Variants in RNF145 observed in about 807,000 individuals in gnomAD.
RNF145 encodes the protein ring finger protein 145.
A neutral mutation model predicts 57.3 loss-of-function variants in RNF145; 12 were observed. The observed-to-expected ratio is 0.21, with a 90% CI of 0.13 to 0.34. The LOEUF is 0.34. RNF145 is among the 10% of genes least tolerant of loss of function. The pLI, the probability that RNF145 is intolerant of heterozygous loss-of-function variation, is 1.00. For missense variants in RNF145, 429 were observed against 799.0 expected (o/e 0.54, Z 5.58); for synonymous variants, 262 against 288.3 (o/e 0.91, Z 0.92).
intron 2 of RNF145, among the ~76,000 whole-genome samples, chr5:159,201,842 T>C (rs1344591510): frequency 6.6e-6 from 1 of 152,188 alleles, no homozygotes; most frequent in Non-Finnish European, 1.5e-5. Flanking sequence ...GGGAGGGAGA[T>C]ACTTTTCATT....
intron 1 of RNF145, among the ~76,000 whole-genome samples, chr5:159,205,597 CAAAGTAATA>C (rs1785849464): frequency 6.6e-6 from 1 of 152,136 alleles, no homozygotes; most frequent in Non-Finnish European, 1.5e-5. Context: ...GAATTTATTT[CAAAGTAATA>C]TTGAATAGAT....
At chr5:159,207,489 T>C (rs1176434592) in intron 1 of RNF145, 5 of 1,527,970 alleles carry the variant, frequency 3.3e-6, no homozygotes, top group Non-Finnish European at 4.4e-6. Flanking sequence ...ATCTCCTTTC[T>C]TTCTCCCAAC....
At chr5:159,204,721 T>C (rs914702952) in intron 1 of RNF145, among the ~76,000 whole-genome samples, 13 of 149,894 alleles carry the variant, frequency 8.7e-5, no homozygotes, top group African/African-American at 3.0e-4. Context: ...GAAGAATTGC[T>C]TGAACCTGGG....
chr5:159,182,133 T>G (rs114597250), intron 3 of RNF145, 82 bp from the exon 4 acceptor site: 1 of 786,454 alleles, frequency 1.3e-6, no homozygotes, highest in African/African-American at 1.7e-5. Context: ...GCATATTATG[T>G]TAATGATACC....
In RNF145 at chr5:159,209,539, C is replaced by T. The variant is rs1584720508; in HGVS notation, c.-348G>A. On this transcript the variant is annotated 5_prime_UTR_variant, in exon 1 of 11. Transcript: ENST00000424310. The stretch of plus-strand genomic sequence containing the variant: ...TGGCCTCCTGCGTTTGCTCCTCCCG[C>T]CCCCGGCGCTCTGCGGCGGCCGCGG... 2 of 981,774 alleles carry T rather than the reference C, an allele frequency of 2.0e-6. No homozygotes were observed. The highest frequency in any genetic ancestry group is 1.8e-5 in the African/African-American group (1 of 56,784). The allele number at this position is 981,774 out of a possible 1,614,324, so 60.8% of individuals were successfully genotyped here.
chr5:159,166,499 T>C (rs758757263), intron 8 of RNF145, among the ~76,000 whole-genome samples: 1 of 152,250 alleles, frequency 6.6e-6, no homozygotes, highest in Non-Finnish European at 1.5e-5. Context: ...ACCTTCTGTT[T>C]TTGACATTTA....
chr5:159,161,493 G>A lies in RNF145; in HGVS notation c.1399C>T (p.Leu467Phe). ...GAGACGCCATAGGCCACCACACAGA[G>A]GGCCACAAGAAACTCCAGCAGGCGG... is the stretch of plus-strand genomic sequence containing the variant. ...TYRLLEFLVA[L>F]CVVAYGVSET... The change falls in exon 10 of 11, where the codon CTC (leucine) becomes TTC (phenylalanine). Residue 467 changes from leucine (L) to phenylalanine (F), a missense_variant. By Grantham distance (22) the Leu-to-Phe change is conservative. Coordinates refer to ENST00000424310, the MANE Select transcript of RNF145 (RefSeq NM_001199383.2). 6.2e-7 allele frequency: 1 copy of A among 1,614,076 alleles called. No homozygotes were observed. The highest frequency in any genetic ancestry group is 8.5e-7 in the Non-Finnish European group (1 of 1,179,974).
chr5:159,200,741 T>C (rs1355919013), intron 2 of RNF145, among the ~76,000 whole-genome samples: 1 of 152,154 alleles, frequency 6.6e-6, no homozygotes, highest in East Asian at 1.9e-4. Flanking sequence ...AGGATTAATT[T>C]CCCTAATGTA....
At chr5:159,195,859 A>G (rs929033100) in intron 2 of RNF145, among the ~76,000 whole-genome samples, 1 of 152,228 alleles carries the variant, frequency 6.6e-6, no homozygotes, top group African/African-American at 2.4e-5. Context: ...ATCCCATCTC[A>G]TGACACCTGA....
At position 159,157,741 on chromosome 5, in the gene RNF145, T is replaced by TA. The variant is rs1029902804; in HGVS notation, c.*928dup. ...TGCAGAGTGTGATCATACAGTTATG[T>TA]ACTCATTCCCAAAGTGCAAATATTG... On this transcript the variant is annotated 3_prime_UTR_variant, in exon 11 of 11. Coordinates refer to ENST00000424310, the MANE Select transcript of RNF145 (RefSeq NM_001199383.2). The TA allele has an allele frequency of 6.5e-6, 1 of 152,818 alleles. No homozygotes were observed. Among genetic ancestry groups the TA allele is most frequent in the African/African-American group, 2.4e-5 (1 of 41,476 alleles). The allele number at this position is 152,818 out of a possible 1,614,324, so 9.5% of individuals were successfully genotyped here.
intron 2 of RNF145, 143 bp from the exon 3 acceptor site, chr5:159,194,967 T>C: frequency 1.7e-6 from 1 of 573,370 alleles, no homozygotes; most frequent in South Asian, 2.6e-5. Context: ...AAAGTAAGTT[T>C]AGCATAGTGA....
chr5:159,203,621 G>GTTTTTTT lies in RNF145; in HGVS notation c.-11_-5dup. ...CCAGTTTCTCCTTTGCAGCCATGTTGTTTTTTTTTTTCTTTTTTTTTTTCT... is the reference window on the plus strand; with the variant it reads ...CCAGTTTCTCCTTTGCAGCCATGTTGTTTTTTTTTTTTTTTTTTCTTTTTTTTTTTCT... On this transcript the variant is annotated 5_prime_UTR_variant, in exon 2 of 11. Coordinates refer to ENST00000424310, the MANE Select transcript of RNF145 (RefSeq NM_001199383.2). 1.6e-6 allele frequency: 2 copies of GTTTTTTT among 1,270,000 alleles called. No homozygotes were observed. The highest frequency in any genetic ancestry group is 1.6e-5 in the African/African-American group (1 of 63,152). The allele number at this position is 1,270,000 out of a possible 1,614,324, so 78.7% of individuals were successfully genotyped here.
intron 3 of RNF145, 104 bp downstream of exon 3, chr5:159,194,612 C>T (rs1785393483): frequency 2.7e-6 from 2 of 750,076 alleles, no homozygotes; most frequent in African/African-American, 1.8e-5. Context: ...TTTGGACCTA[C>T]CAAAGCCTTA....
At chr5:159,199,789 T>C (rs1347744018) in intron 2 of RNF145, among the ~76,000 whole-genome samples, 1 of 152,168 alleles carries the variant, frequency 6.6e-6, no homozygotes, top group Non-Finnish European at 1.5e-5. Flanking sequence ...AGCCCTATTC[T>C]ACCTTACCAA....
intron 4 of RNF145, among the ~76,000 whole-genome samples, chr5:159,180,080 C>T (rs1242860004): frequency 6.6e-6 from 1 of 151,968 alleles, no homozygotes; most frequent in Non-Finnish European, 1.5e-5. Flanking sequence ...CTCTGACTTA[C>T]CAAGGATTGA....
intron 9 of RNF145, 51 bp downstream of exon 9, chr5:159,162,881 G>T: frequency 1.4e-6 from 2 of 1,476,344 alleles, no homozygotes; most frequent in Non-Finnish European, 1.8e-6. Flanking sequence ...CCTCTGGGAG[G>T]AAAAATAACA....
rs200176626 is a variant in RNF145 at position 159,161,344 on chromosome 5, C to T, written c.1548G>A (p.Val516=). Reference sequence around the variant, plus strand: ...CAATGGGTAACGATTTAATCTTATTCACAGCATCCCTGCGGAGAAGAAAGC... The same window carrying T: ...CAATGGGTAACGATTTAATCTTATTTACAGCATCCCTGCGGAGAAGAAAGC... The part of the protein sequence containing the change: ...WKSFLLRRDA[V]NKIKSLPIAT... Residue 516 remains valine, a synonymous_variant, in exon 10 of 11, where the codon GTG becomes GTA. Coordinates refer to ENST00000424310, the MANE Select transcript of RNF145 (RefSeq NM_001199383.2). 2 of 1,614,108 alleles carry T rather than the reference C, an allele frequency of 1.2e-6. No homozygotes were observed. The highest frequency in any genetic ancestry group is 2.2e-5 in the East Asian group (1 of 44,886).
intron 1 of RNF145, among the ~76,000 whole-genome samples, chr5:159,208,833 G>C (rs951943717): frequency 6.7e-6 from 1 of 149,566 alleles, no homozygotes; most frequent in African/African-American, 2.4e-5. Flanking sequence ...TGCTGGGGAG[G>C]CAAAGGGGGA....
intron 2 of RNF145, among the ~76,000 whole-genome samples, chr5:159,197,778 C>A (rs542587644): frequency 6.6e-6 from 1 of 152,122 alleles, no homozygotes; most frequent in Non-Finnish European, 1.5e-5. Context: ...AATTAAAAAG[C>A]AAGACCAGTG....
Sources: allele counts gnomAD v4.1 joint callset (sites outside exome capture counted in the v4.1 genomes callset), GRCh38; gene constraint gnomAD v4.1.1; transcripts MANE v1.5; gene names NCBI Gene and HGNC (gene_info 2026-07-23, HGNC 2026-07-21).